CCSER1: variants seen among roughly 807,000 people sequenced by gnomAD.
CCSER1 encodes serine-rich coiled-coil domain-containing protein 1.
A neutral mutation model predicts 82.0 loss-of-function variants in CCSER1; 41 were observed. The ratio of observed to expected loss-of-function variants is 0.50; its 90% CI spans 0.39 to 0.65. The LOEUF is 0.65. CCSER1 is among the 30% of genes least tolerant of loss of function. CCSER1 has a pLI of 0.00. For missense variants in CCSER1, 1,119 were observed against 1,064.2 expected (o/e 1.05, Z -0.72); for synonymous variants, 414 against 383.9 (o/e 1.08, Z -0.92).
intron 4 of CCSER1, among the ~76,000 whole-genome samples, chr4:90,429,451 T>G (rs1038600024): frequency 6.6e-6 from 1 of 151,836 alleles, no homozygotes; most frequent in African/African-American, 2.4e-5. Flanking sequence ...ATGCATAATA[T>G]GAAATTTAAA....
intron 3 of CCSER1, among the ~76,000 whole-genome samples, chr4:90,316,757 A>G (rs1039427556): frequency 1.3e-5 from 2 of 152,196 alleles, no homozygotes; most frequent in East Asian, 1.9e-4. Flanking sequence ...TGGATTAGAT[A>G]TAGTTAGATA....
chr4:90,932,958 GAAAGAAAGAA>G lies in CCSER1; in HGVS notation c.2172+9513_2172+9522del, dbSNP rs1730149577. Among the ~76,000 whole-genome samples, 3 of 33,836 alleles carry G rather than the reference GAAAGAAAGAA, an allele frequency of 8.9e-5. 1 individual carries two copies. Among genetic ancestry groups the G allele is most frequent in the South Asian group, 7.3e-4 (1 of 1,370 alleles). The allele number at this position is 33,836 out of a possible 152,430, so 22.2% of individuals were successfully genotyped here. On this transcript the variant is annotated intron_variant, in intron 9 of 10. Coordinates refer to ENST00000509176, the MANE Select transcript of CCSER1 (RefSeq NM_001145065.2). ...AGAAAGAAAGAAAGAAAGAAAGAAA[GAAAGAAAGAA>G]AGAAAGAAAGAAAGAGAAAGAAAGA...
At chr4:90,755,947 C>T (rs1749453830) in intron 7 of CCSER1, among the ~76,000 whole-genome samples, 1 of 152,102 alleles carries the variant, frequency 6.6e-6, no homozygotes, top group Non-Finnish European at 1.5e-5. Context: ...ATAAGAAGGC[C>T]AGCCACAGTC....
At chr4:90,888,094 A>G (rs1054495924) in intron 8 of CCSER1, among the ~76,000 whole-genome samples, 1 of 152,192 alleles carries the variant, frequency 6.6e-6, no homozygotes, top group African/African-American at 2.4e-5. Flanking sequence ...GGAAGAATTC[A>G]GAATACATAA....
chr4:90,412,525 TCA>T (rs777054542), intron 4 of CCSER1, among the ~76,000 whole-genome samples: 1 of 92,832 alleles, frequency 1.1e-5, no homozygotes, highest in African/African-American at 1.1e-4. Flanking sequence ...AATATAAACA[TCA>T]AAAAAAAAAA....
At chr4:90,137,209 G>A (rs188131703) in intron 1 of CCSER1, among the ~76,000 whole-genome samples, 2 of 152,212 alleles carry the variant, frequency 1.3e-5, no homozygotes, top group African/African-American at 4.8e-5. Flanking sequence ...ACTAAACTGG[G>A]CCATTAAATG....
chr4:90,766,456 T>C (rs1322781985), intron 7 of CCSER1, among the ~76,000 whole-genome samples: 1 of 152,068 alleles, frequency 6.6e-6, no homozygotes, highest in Non-Finnish European at 1.5e-5. Context: ...ATATATTATT[T>C]ATATTTAGTG....
At chr4:90,747,055 A>C (rs541515271) in intron 7 of CCSER1, among the ~76,000 whole-genome samples, 6 of 152,188 alleles carry the variant, frequency 3.9e-5, no homozygotes, top group Non-Finnish European at 8.8e-5. Context: ...AAGTAGAGGA[A>C]GAGGCAGAGG....
intron 10 of CCSER1, among the ~76,000 whole-genome samples, chr4:91,539,288 A>G (rs1017286263): frequency 5.3e-5 from 8 of 152,076 alleles, no homozygotes; most frequent in African/African-American, 1.9e-4. Context: ...ATCAAAACCA[A>G]GATCTTTCTG....
At chr4:90,972,121 G>T (rs1735167512) in intron 9 of CCSER1, among the ~76,000 whole-genome samples, 1 of 151,676 alleles carries the variant, frequency 6.6e-6, no homozygotes, top group Non-Finnish European at 1.5e-5. Context: ...TCAACATAAT[G>T]CTGTATGTCC....
At chr4:90,826,073 C>A (rs1323414381) in intron 8 of CCSER1, among the ~76,000 whole-genome samples, 2 of 152,156 alleles carry the variant, frequency 1.3e-5, no homozygotes, top group African/African-American at 4.8e-5. Flanking sequence ...CATCAGGTTA[C>A]TTCATGTTAC....
At chr4:90,369,699 A>G (rs1349923673) in intron 3 of CCSER1, among the ~76,000 whole-genome samples, 2 of 151,928 alleles carry the variant, frequency 1.3e-5, no homozygotes, top group Admixed American at 1.3e-4. Context: ...GATCTTACAG[A>G]TCTTAGATAA....
At chr4:91,489,796 A>AATAAATAAAT (rs1553945306) in intron 10 of CCSER1, among the ~76,000 whole-genome samples, 1 of 151,454 alleles carries the variant, frequency 6.6e-6, no homozygotes, top group African/African-American at 2.4e-5. Context: ...TTAAAATAAA[A>AATAAATAAAT]AAAAGATTGA....
At chr4:91,359,568 A>G (rs1749108669) in intron 10 of CCSER1, among the ~76,000 whole-genome samples, 1 of 151,734 alleles carries the variant, frequency 6.6e-6, no homozygotes, top group Admixed American at 6.6e-5. Context: ...CTAGCTTGTG[A>G]GGTATTGCTT....
chr4:91,080,800 T>A (rs2148799518), intron 9 of CCSER1, among the ~76,000 whole-genome samples: 1 of 152,172 alleles, frequency 6.6e-6, no homozygotes, highest in South Asian at 2.1e-4. Context: ...TCTATGCAAA[T>A]AAACCAGAAA....
intron 3 of CCSER1, among the ~76,000 whole-genome samples, chr4:90,391,167 G>T (rs1750957374): frequency 6.7e-6 from 1 of 149,476 alleles, no homozygotes; most frequent in African/African-American, 2.5e-5. Flanking sequence ...CAGCTACTCG[G>T]GAGGCTGAGG....
In CCSER1 at chr4:91,598,916, A is replaced by G; in HGVS notation, c.2562A>G (p.Arg854=). 6.4e-7 allele frequency: 1 copy of G among 1,551,582 alleles called. No homozygotes were observed. Among genetic ancestry groups the G allele is most frequent in the South Asian group, 1.2e-5 (1 of 84,056 alleles). ...EKPKDQVATA[R]QHSTFTGRFG... is the part of the protein sequence containing the mutation. ...CAAAGGACCAAGTTGCTACGGCCCG[A>G]CAGCATTCGACCTTTACAGGCAGGT... Residue 854 remains arginine, a synonymous_variant, in exon 11 of 11, where the codon CGA becomes CGG. Coordinates refer to ENST00000509176, the MANE Select transcript of CCSER1 (RefSeq NM_001145065.2).
chr4:90,402,784 T>A (rs1561171873), intron 4 of CCSER1, among the ~76,000 whole-genome samples: 2 of 152,220 alleles, frequency 1.3e-5, no homozygotes, highest in Non-Finnish European at 2.9e-5. Flanking sequence ...CTTTAAACTT[T>A]AGTCTCTCCT....
At chr4:91,414,700 G>A (rs1428623960) in intron 10 of CCSER1, among the ~76,000 whole-genome samples, 1 of 152,072 alleles carries the variant, frequency 6.6e-6, no homozygotes, top group Non-Finnish European at 1.5e-5. Context: ...ACAAACATAG[G>A]TTGAAAGCAA....
Sources: gnomAD v4.1 joint callset for allele counts (sites outside exome capture counted in the v4.1 genomes callset) on GRCh38, gnomAD v4.1.1 for gene constraint, MANE v1.5 for transcripts, NCBI Gene and HGNC (gene_info 2026-07-23, HGNC 2026-07-21) for gene names.